PHLDB2: variants seen among roughly 807,000 people sequenced by gnomAD.
PHLDB2 encodes pleckstrin homology-like domain family B member 2.
A neutral mutation model predicts 123.6 loss-of-function variants in PHLDB2; 71 were observed. The ratio of observed to expected loss-of-function variants is 0.57; its 90% CI spans 0.47 to 0.70. The LOEUF is 0.70. Ranked by LOEUF, PHLDB2 falls within the 30% of genes least tolerant of loss-of-function variation. The probability of loss-of-function intolerance (pLI) is 0.00; values close to 1 mark genes in which losing one functional copy is unlikely to be tolerated. For synonymous variants in PHLDB2, 547 were observed against 541.6 expected, an observed-to-expected ratio of 1.01 and a Z score of -0.14; for missense variants, 1,446 against 1,519.5, an observed-to-expected ratio of 0.95 and a Z score of 0.80.
chr3:111,791,448 TC>T (rs2060920877), intron 1 of PHLDB2, among the ~76,000 whole-genome samples: 1 of 152,208 alleles, frequency 6.6e-6, no homozygotes, highest in Admixed American at 6.5e-5. Flanking sequence ...CTCAAAAGTA[TC>T]TTTGTTGAGG....
chr3:111,973,059 T>C (rs1041142483), intron 16 of PHLDB2, among the ~76,000 whole-genome samples: 1 of 152,218 alleles, frequency 6.6e-6, no homozygotes, highest in African/African-American at 2.4e-5. Flanking sequence ...AGAGTTTAAG[T>C]TACAAAATAT....
At chr3:111,891,254 G>A (rs2066472967) in intron 2 of PHLDB2, among the ~76,000 whole-genome samples, 1 of 152,154 alleles carries the variant, frequency 6.6e-6, no homozygotes, top group South Asian at 2.1e-4. Context: ...TTAGGAATGG[G>A]GCCGCAGAGC....
chr3:111,950,027 C>A, intron 10 of PHLDB2: 1 of 477,718 alleles, frequency 2.1e-6, no homozygotes, highest in Non-Finnish European at 2.7e-6. Flanking sequence ...TTTTTTTCCT[C>A]TTAAGAACAT....
chr3:111,782,306 C>A (rs760042209), intron 1 of PHLDB2, among the ~76,000 whole-genome samples: 1 of 152,000 alleles, frequency 6.6e-6, no homozygotes, highest in African/African-American at 2.4e-5. Flanking sequence ...AAGGACATTA[C>A]GTTCCTGGCA....
chr3:111,773,475 G>T (rs2060212979), intron 1 of PHLDB2, among the ~76,000 whole-genome samples: 1 of 152,188 alleles, frequency 6.6e-6, no homozygotes, highest in East Asian at 1.9e-4. Flanking sequence ...GTGAATTTTA[G>T]ATAGGGTTTT....
At chr3:111,875,408 C>G (rs1352978470) in intron 1 of PHLDB2, among the ~76,000 whole-genome samples, 2 of 151,822 alleles carry the variant, frequency 1.3e-5, no homozygotes. Context: ...CCTGGGCCTC[C>G]CAAAGTGCTG....
chr3:111,790,022 A>G (rs2060848793), intron 1 of PHLDB2, among the ~76,000 whole-genome samples: 1 of 152,172 alleles, frequency 6.6e-6, no homozygotes, highest in Non-Finnish European at 1.5e-5. Context: ...TCATGACTCC[A>G]TGGGCGTGAG....
intron 1 of PHLDB2, among the ~76,000 whole-genome samples, chr3:111,787,423 T>C (rs1258403865): frequency 6.6e-6 from 1 of 152,114 alleles, no homozygotes; most frequent in Non-Finnish European, 1.5e-5. Context: ...TCTTTGGATA[T>C]TTTTTTGCAC....
chr3:111,944,230 T>A (rs1257915051), intron 8 of PHLDB2, among the ~76,000 whole-genome samples: 1 of 152,142 alleles, frequency 6.6e-6, no homozygotes, highest in Non-Finnish European at 1.5e-5. Flanking sequence ...TGCTTGCTCA[T>A]AAGGGTGGAA....
chr3:111,857,385 A>C (rs901659852), upstream of PHLDB2, among the ~76,000 whole-genome samples: 3 of 150,982 alleles, frequency 2.0e-5, no homozygotes, highest in African/African-American at 2.4e-5. Flanking sequence ...CAGGAGGTTA[A>C]GGCTGCAGTG....
chr3:111,786,789 C>T lies in PHLDB2; in HGVS notation c.-49+54086C>T, dbSNP rs796826156. Among the ~76,000 whole-genome samples the T allele has an allele frequency of 1.8e-4, 27 of 152,004 alleles. 1 individual carries two copies. The highest frequency in any genetic ancestry group is 6.3e-4 in the African/African-American group (26 of 41,496). On this transcript the variant is annotated intron_variant, in intron 1 of 17. Coordinates refer to the PHLDB2 transcript ENST00000393923. ...ATCATTACCAGATGATCTAAGAGTC[C>T]CCTCAAAGCCTAAGATCCTATAATT...
chr3:111,784,564 T>G (rs1027509702), intron 1 of PHLDB2, among the ~76,000 whole-genome samples: 6 of 152,146 alleles, frequency 3.9e-5, no homozygotes, highest in Non-Finnish European at 8.8e-5. Context: ...AAGCAAGAAC[T>G]AATTTTTGAT....
At chr3:111,783,263 G>C (rs2060551185) in intron 1 of PHLDB2, among the ~76,000 whole-genome samples, 1 of 152,060 alleles carries the variant, frequency 6.6e-6, no homozygotes, top group Admixed American at 6.6e-5. Flanking sequence ...TAGCAGAAGA[G>C]CCAACACGTG....
chr3:111,767,507 A>G (rs932142012), intron 1 of PHLDB2, among the ~76,000 whole-genome samples: 4 of 152,250 alleles, frequency 2.6e-5, no homozygotes, highest in Non-Finnish European at 5.9e-5. Context: ...AATTCCTGCC[A>G]TGTAGGGTTC....
At chr3:111,747,163 T>C (rs1331241752) in intron 1 of PHLDB2, among the ~76,000 whole-genome samples, 1 of 152,190 alleles carries the variant, frequency 6.6e-6, no homozygotes, top group Non-Finnish European at 1.5e-5. Flanking sequence ...TTTAATACTA[T>C]AGATTTATTC....
intron 13 of PHLDB2, among the ~76,000 whole-genome samples, chr3:111,963,159 A>G (rs1384647130): frequency 1.3e-5 from 2 of 152,090 alleles, no homozygotes; most frequent in Admixed American, 1.3e-4. Context: ...CTCCTTTTCT[A>G]AAGTTTTGAT....
chr3:111,829,927 AACAC>A (rs72357648), intron 1 of PHLDB2, among the ~76,000 whole-genome samples: 8,211 of 135,854 alleles, frequency 0.06, 406 homozygotes, highest in African/African-American at 0.15. Flanking sequence ...AACTATTCAA[AACAC>A]ACACACACAC....
chr3:111,755,863 A>G (rs1319702677), intron 1 of PHLDB2, among the ~76,000 whole-genome samples: 20 of 150,832 alleles, frequency 1.3e-4, no homozygotes, highest in Admixed American at 4.6e-4. Flanking sequence ...CTTTGTTCTC[A>G]TTGGTTTCAA....
intron 1 of PHLDB2, among the ~76,000 whole-genome samples, chr3:111,840,989 A>T (rs1191034286): frequency 1.3e-5 from 2 of 152,204 alleles, no homozygotes; most frequent in Non-Finnish European, 2.9e-5. Context: ...CAGGCCACAG[A>T]GGAGTTTAGG....
Sources: gnomAD v4.1 joint callset for allele counts (sites outside exome capture counted in the v4.1 genomes callset) on GRCh38, gnomAD v4.1.1 for gene constraint, MANE v1.5 for transcripts, NCBI Gene and HGNC (gene_info 2026-07-23, HGNC 2026-07-21) for gene names.